PLA2G15: variants seen among roughly 807,000 people sequenced by gnomAD.
The protein encoded by PLA2G15 is lysosomal phospholipase A and acyltransferase.
A neutral mutation model predicts 40.9 loss-of-function variants in PLA2G15; 20 were observed. That is an observed-to-expected ratio of 0.49 (90% CI 0.34 to 0.71). PLA2G15 has a LOEUF of 0.71. Among genes scored for constraint, PLA2G15 ranks in the 30% least tolerant of loss-of-function variants. The pLI is 0.01. For synonymous variants in PLA2G15, 223 were observed against 228.2 expected (o/e 0.98, Z 0.21); for missense variants, 471 against 541.9 (o/e 0.87, Z 1.30).
At position 68,253,296 on chromosome 16, in the gene PLA2G15, G is replaced by A. The variant is rs528592550; in HGVS notation, c.285-1623G>A. ...CCCACCAGCTCCCATCATTTCTCTG[G>A]GCCTTGCTCCTTCTCCTACCTGCCT... is the stretch of plus-strand genomic sequence containing the variant. On this transcript the variant is annotated intron_variant, in intron 2 of 5. Transcript: ENST00000219345. 933 of 334,884 alleles carry A rather than the reference G, an allele frequency of 2.8e-3. 7 individuals carry two copies. The highest frequency in any genetic ancestry group is 0.019 in the African/African-American group (846 of 45,438). The allele number at this position is 334,884 out of a possible 1,614,324, so 20.7% of individuals were successfully genotyped here.
rs760142209 is a variant in PLA2G15 at position 68,259,499 on chromosome 16, G to A, written c.1081G>A (p.Gly361Ser). 2.5e-6 allele frequency: 4 copies of A among 1,613,166 alleles called. No individual in the cohort carries two copies. Among genetic ancestry groups the A allele is most frequent in the Non-Finnish European group, 3.4e-6 (4 of 1,180,032 alleles). Reference protein sequence around the residue: ...DPKICFGDGDGTVNLKSALQC... With the variant: ...DPKICFGDGDSTVNLKSALQC... ...TAAAATCTGCTTTGGTGACGGCGAT[G>A]GTACTGTGAACTTGAAGAGTGCCCT... Residue 361 changes from glycine (G) to serine (S), a missense_variant, in exon 6 of 6, where the codon GGT becomes AGT. Gly to Ser is a moderately conservative substitution (Grantham distance 56, BLOSUM62 0). Transcript: ENST00000219345. The surrounding 1 kb of genome is among the most constrained non-coding windows in gnomAD (Gnocchi z 6.5).
intron 1 of PLA2G15, among the ~76,000 whole-genome samples, chr16:68,247,589 C>T (rs2042319681): frequency 6.6e-6 from 1 of 152,198 alleles, no homozygotes; most frequent in Non-Finnish European, 1.5e-5. Context: ...TGACCAGGGT[C>T]TCTGCCCTGC....
Position 68,255,278 on chromosome 16 carries a change from A to G in PLA2G15, c.404-4A>G, listed in dbSNP as rs773029400. 7 of 1,606,262 alleles carry G rather than the reference A, an allele frequency of 4.4e-6. No individual in the cohort carries two copies. Among genetic ancestry groups the G allele is most frequent in the African/African-American group, 4.0e-5 (3 of 74,800 alleles). ...TTTCTTATCCTCTGTATTTCTGTCT[A>G]CAGGTTCCTATTTCCACACCATGGT... On this transcript the variant is annotated splice_polypyrimidine_tract_variant and splice_region_variant and intron_variant, in intron 3 of 5. Coordinates refer to ENST00000219345, the MANE Select transcript of PLA2G15 (RefSeq NM_012320.4). This position sits in a 1 kb window ranked among gnomAD's most constrained non-coding sequence, Gnocchi z 5.9.
In PLA2G15 at chr16:68,245,462, G is replaced by T; in HGVS notation, c.36G>T (p.Leu12=). ...GLHLRPYRVG[L]LPDGLLFLLL... is the part of the protein sequence containing the mutation. ...ACCTCCGCCCCTACCGTGTGGGGCT[G>T]CTCCCGGATGGCCTCCTGTTCCTCT... Residue 12 remains leucine, a synonymous_variant, in exon 1 of 6, where the codon CTG becomes CTT. Transcript: ENST00000219345. 1 of 1,606,250 alleles carries T rather than the reference G, an allele frequency of 6.2e-7. No individual in the cohort carries two copies.
At chr16:68,252,688 C>T in intron 2 of PLA2G15, 2 of 446,090 alleles carry the variant, frequency 4.5e-6, no homozygotes, top group Non-Finnish European at 9.0e-6. Context: ...AACTAATAGG[C>T]TGGGTGCAGT....
chr16:68,247,348 C>A (rs1294736741), intron 1 of PLA2G15, among the ~76,000 whole-genome samples: 1 of 152,186 alleles, frequency 6.6e-6, no homozygotes, highest in Non-Finnish European at 1.5e-5. Context: ...CCACCTCTTG[C>A]AGCCTCAGTC....
intron 2 of PLA2G15, chr16:68,250,441 T>G (rs1001307906): frequency 3.5e-5 from 8 of 227,680 alleles, no homozygotes; most frequent in Non-Finnish European, 6.3e-5. Flanking sequence ...CGGCTAATTT[T>G]TTGTATTTTT....
chr16:68,245,373 G>T lies in PLA2G15; in HGVS notation c.-54G>T. ...GCGTCGCCACCGCCCCCGCCTAGGC[G>T]AGAGCCCAGAGAGCTGAACCTGCAT... On this transcript the variant is annotated 5_prime_UTR_variant, in exon 1 of 6. Transcript: ENST00000219345. 3 of 1,582,336 alleles carry T rather than the reference G, an allele frequency of 1.9e-6. No individual in the cohort carries two copies. Among genetic ancestry groups the T allele is most frequent in the Middle Eastern group, 1.7e-4 (1 of 5,978 alleles).
chr16:68,254,839 C>T, intron 2 of PLA2G15, 80 bp from the exon 3 acceptor site: 2 of 862,974 alleles, frequency 2.3e-6, no homozygotes, highest in Non-Finnish European at 3.9e-6. Flanking sequence ...GGGAGTATGA[C>T]TCAGGACATG....
chr16:68,256,197 T>C, intron 5 of PLA2G15: 2 of 523,436 alleles, frequency 3.8e-6, no homozygotes, highest in East Asian at 3.2e-5. Context: ...GACATACGAA[T>C]AGAAGCCACA....
At chr16:68,252,203 G>T (rs147146338) in intron 2 of PLA2G15, among the ~76,000 whole-genome samples, 4 of 152,288 alleles carry the variant, frequency 2.6e-5, no homozygotes, top group African/African-American at 9.6e-5. Flanking sequence ...GTAGCAACAA[G>T]CTACTTTGCT....
rs1212376428 is a variant in PLA2G15 at position 68,255,758 on chromosome 16, G to C, written c.503-8G>C. On this transcript the variant is annotated splice_polypyrimidine_tract_variant and splice_region_variant and intron_variant, in intron 4 of 5. Coordinates refer to ENST00000219345, the MANE Select transcript of PLA2G15 (RefSeq NM_012320.4). This position sits in a 1 kb window ranked among gnomAD's most constrained non-coding sequence, Gnocchi z 5.9. ...CCCACCTGACCCCTGCCTGGCTCTGGCCTGCAGATGAAAACGGGCCCTACT... is the reference window on the plus strand; with the variant it reads ...CCCACCTGACCCCTGCCTGGCTCTGCCCTGCAGATGAAAACGGGCCCTACT... The C allele has an allele frequency of 6.2e-7, 1 of 1,613,052 alleles. No individual in the cohort carries two copies. Among genetic ancestry groups the C allele is most frequent in the South Asian group, 1.1e-5 (1 of 91,062 alleles).
intron 2 of PLA2G15, chr16:68,250,222 C>A: frequency 3.9e-6 from 1 of 257,192 alleles, no homozygotes; most frequent in South Asian, 3.2e-5. Context: ...CTCTTATTGC[C>A]CAGGCTGGAG....
intron 2 of PLA2G15, among the ~76,000 whole-genome samples, chr16:68,250,018 C>T (rs2042340474): frequency 6.6e-6 from 1 of 151,876 alleles, no homozygotes; most frequent in African/African-American, 2.4e-5. Context: ...TTCAGAGCCT[C>T]GGCATGGCCC....
chr16:68,252,568 G>A (rs1334302261), intron 2 of PLA2G15: 2 of 456,018 alleles, frequency 4.4e-6, no homozygotes, highest in Non-Finnish European at 4.4e-6. Context: ...CCTGAGGCGG[G>A]GTCTGTCCTG....
Position 68,255,502 on chromosome 16 carries a change from C to A in PLA2G15, c.502+122C>A. 1.4e-6 allele frequency: 1 copy of A among 698,374 alleles called. No homozygotes were observed. The highest frequency in any genetic ancestry group is 2.4e-6 in the Non-Finnish European group (1 of 415,088). The allele number at this position is 698,374 out of a possible 1,614,324, so 43.3% of individuals were successfully genotyped here. ...CTGTCTCCTGTCCCTGGGCCTCTGG[C>A]ATCCAGTCTAGTGGTCACAGCCACC... On this transcript the variant is annotated intron_variant, in intron 4 of 5. Coordinates refer to ENST00000219345, the MANE Select transcript of PLA2G15 (RefSeq NM_012320.4). This position sits in a 1 kb window ranked among gnomAD's most constrained non-coding sequence, Gnocchi z 5.9.
chr16:68,252,417 G>A (rs1339486045), intron 2 of PLA2G15: 2 of 353,686 alleles, frequency 5.7e-6, no homozygotes, highest in African/African-American at 4.3e-5. Context: ...CCAGAGCAAG[G>A]TTCCCAGCCT....
chr16:68,245,502 C>T lies in PLA2G15; in HGVS notation c.76C>T (p.Leu26=), dbSNP rs778534152. The change falls in exon 1 of 6, where the codon CTG becomes TTG. Residue 26 remains leucine, a synonymous_variant. Transcript: ENST00000219345. ...GLLFLLLLLM[L]LADPALPAGR... Reference sequence around the variant, plus strand: ...CCTGTTCCTCTTGCTGCTGCTAATGCTGCTCGCGGACCCAGCGCTCCCGGC... The same window carrying T: ...CCTGTTCCTCTTGCTGCTGCTAATGTTGCTCGCGGACCCAGCGCTCCCGGC... 1.9e-6 allele frequency: 3 copies of T among 1,604,222 alleles called. No homozygotes were observed. The highest frequency in any genetic ancestry group is 2.2e-5 in the East Asian group (1 of 44,632).
intron 2 of PLA2G15, chr16:68,250,215 T>C (rs1344464455): frequency 3.8e-6 from 1 of 266,238 alleles, no homozygotes; most frequent in Non-Finnish European, 7.2e-6. Flanking sequence ...AGTTTTGCTC[T>C]TATTGCCCAG....
Sources: gnomAD v4.1 joint callset for allele counts (sites outside exome capture counted in the v4.1 genomes callset) on GRCh38, gnomAD v4.1.1 for gene constraint, Gnocchi (gnomAD v3.1) non-coding constraint, MANE v1.5 for transcripts, NCBI Gene and HGNC (gene_info 2026-07-23, HGNC 2026-07-21) for gene names.